The following PCDHA5 variants were observed in gnomAD, a reference collection of about 807,000 sequenced individuals.
The protein encoded by PCDHA5 is protocadherin alpha 5, also known as protocadherin alpha-5.
Under a neutral mutation model 61.6 loss-of-function variants are expected in PCDHA5, and 43 were observed. That is an observed-to-expected ratio of 0.70 (90% CI 0.55 to 0.90). The LOEUF (loss-of-function observed/expected upper bound fraction) is 0.90, where lower values mean the gene tolerates loss of function less well. Among genes scored for constraint, PCDHA5 ranks in the 40% least tolerant of loss-of-function variants. The pLI is 0.00. For synonymous variants in PCDHA5, 627 were observed against 543.9 expected (o/e 1.15, Z -2.13); for missense variants, 1,298 against 1,222.7 (o/e 1.06, Z -0.92).
chr5:140,953,992 G>A (rs1210096728), intron 1 of PCDHA5, among the ~76,000 whole-genome samples: 3 of 152,034 alleles, frequency 2.0e-5, no homozygotes, highest in Non-Finnish European at 2.9e-5. Context: ...ATTTTCATGT[G>A]TACTCATCAT....
rs1231856848 is a variant in PCDHA5 at position 141,000,389 on chromosome 5, CTCTCTCTA to C, written c.2501-9236_2501-9229del. 6.2e-3 allele frequency among the ~76,000 whole-genome samples: 389 copies of C among 62,448 alleles called. 3 individuals are homozygous for C. Among genetic ancestry groups the C allele is most frequent in the East Asian group, 0.011 (21 of 1,838 alleles). The allele number at this position is 62,448 out of a possible 152,430, so 41.0% of individuals were successfully genotyped here. A position where few individuals can be genotyped will look rare whatever the true frequency, so the allele number is the denominator to read the frequency against. ...TCTCTCTCTCTCTCTCTCTCTCTCT[CTCTCTCTA>C]TATATATATATATATATATATATAT... is the stretch of plus-strand genomic sequence containing the variant. On this transcript the variant is annotated intron_variant, in intron 3 of 3. Coordinates refer to ENST00000529859, the MANE Select transcript of PCDHA5 (RefSeq NM_018908.3).
chr5:140,919,706 C>T (rs2079272649), intron 1 of PCDHA5, among the ~76,000 whole-genome samples: 1 of 152,048 alleles, frequency 6.6e-6, no homozygotes, highest in African/African-American at 2.4e-5. Flanking sequence ...TAACTTAATT[C>T]TAGTGAGATA....
At chr5:140,848,899 C>T (rs1223339539) in intron 1 of PCDHA5, 1 of 1,605,974 alleles carries the variant, frequency 6.2e-7, no homozygotes, top group Admixed American at 1.7e-5. Context: ...GTGTTCCCAG[C>T]GACACAAAAG....
At chr5:140,994,059 A>G (rs2097593470) in intron 3 of PCDHA5, among the ~76,000 whole-genome samples, 5 of 152,174 alleles carry the variant, frequency 3.3e-5, no homozygotes, top group Admixed American at 3.3e-4. Context: ...GCCCTTATAA[A>G]TCTAATGGTG....
At position 140,823,306 on chromosome 5, in the gene PCDHA5, G is replaced by A. The variant is rs2150124482; in HGVS notation, c.1531G>A (p.Ala511Thr). 9.9e-6 allele frequency: 16 copies of A among 1,612,180 alleles called. No individual in the cohort carries two copies. Among genetic ancestry groups the A allele is most frequent in the Admixed American group, 1.7e-5 (1 of 59,990 alleles). The change falls in exon 1 of 4, where the codon GCG becomes ACG. Residue 511 changes from alanine (A) to threonine (T), a missense_variant. Physicochemically the swap from Ala to Thr is moderately conservative, Grantham distance 58. Transcript: ENST00000529859. The stretch of plus-strand genomic sequence containing the variant: ...GCTGTCGAGTTACGTTTCGGTGCAC[G>A]CGGAGAGCGGCAAGGTGTACGCGCT... ...RPLSSYVSVH[A>T]ESGKVYALQP...
Position 140,927,704 on chromosome 5 carries a change from C to T in PCDHA5, c.2353-51245C>T, listed in dbSNP as rs782172290. ...GGGTCCAATGGGGAAGTCCAGTACT[C>T]CCTAAGCAACAGCACGCAAGCAGAG... On this transcript the variant is annotated intron_variant, in intron 1 of 3. Coordinates refer to ENST00000529859, the MANE Select transcript of PCDHA5 (RefSeq NM_018908.3). 6.2e-6 allele frequency: 10 copies of T among 1,614,072 alleles called. No homozygotes were observed. In the Admixed American group the frequency reaches 1.2e-4, roughly 19 times the overall value.
At chr5:140,835,974 T>A (rs782216011) in intron 1 of PCDHA5, 1 of 1,612,180 alleles carries the variant, frequency 6.2e-7, no homozygotes, top group African/African-American at 1.3e-5. Context: ...GCTGGAGCTG[T>A]TGCAGTTCCA....
chr5:140,823,600 G>T lies in PCDHA5; in HGVS notation c.1825G>T (p.Glu609Ter). The T allele has an allele frequency of 6.2e-7, 1 of 1,614,032 alleles. No homozygotes were observed. The highest frequency in any genetic ancestry group is 8.5e-7 in the Non-Finnish European group (1 of 1,179,936). Residue 609 changes from glutamate to a stop codon, truncating the protein, a stop_gained, in exon 1 of 4, where the codon GAG (glutamate) becomes TAG (stop). Coordinates refer to ENST00000529859, the MANE Select transcript of PCDHA5 (RefSeq NM_018908.3). LOFTEE classifies it high-confidence loss of function. Reference protein sequence around the residue: ...DSGYNAWLSYELQPAPGSARI... With the variant: ...DSGYNAWLSY ...GGGCTACAACGCTTGGCTTTCGTAT[G>T]AGCTGCAGCCAGCGCCTGGCAGTGC... is the stretch of plus-strand genomic sequence containing the variant.
chr5:140,840,170 C>T (rs1278225135), intron 1 of PCDHA5, among the ~76,000 whole-genome samples: 3 of 151,784 alleles, frequency 2.0e-5, no homozygotes, highest in African/African-American at 7.3e-5. Context: ...GGGATGTATA[C>T]AAATTTTAAA....
chr5:140,884,682 A>C, intron 1 of PCDHA5: 5 of 1,546,956 alleles, frequency 3.2e-6, no homozygotes, highest in Non-Finnish European at 4.4e-6. Flanking sequence ...TATTTTAAAA[A>C]ATTGTCTTAG....
chr5:140,942,511 CAG>C (rs574477918), intron 1 of PCDHA5, among the ~76,000 whole-genome samples: 21 of 151,458 alleles, frequency 1.4e-4, no homozygotes, highest in Non-Finnish European at 2.8e-4. Flanking sequence ...CTAGGAAACT[CAG>C]AGGGGAAGCA....
chr5:140,995,086 T>C (rs1182368049), intron 3 of PCDHA5, among the ~76,000 whole-genome samples: 2 of 152,246 alleles, frequency 1.3e-5, no homozygotes, highest in African/African-American at 4.8e-5. Context: ...TCCAAACTTA[T>C]CTGTGGAGAT....
chr5:140,967,508 C>G (rs2096150874), intron 1 of PCDHA5: 2 of 1,612,712 alleles, frequency 1.2e-6, no homozygotes, highest in Non-Finnish European at 1.7e-6. Flanking sequence ...TGTGCGTGTC[C>G]TGGACACTAA....
intron 1 of PCDHA5, chr5:140,877,683 C>T: frequency 6.2e-7 from 1 of 1,613,716 alleles, no homozygotes. Flanking sequence ...CGGGCAAGCC[C>T]ACGCTGGTGT....
chr5:140,876,077 G>C, intron 1 of PCDHA5: 4 of 1,613,956 alleles, frequency 2.5e-6, no homozygotes, highest in Non-Finnish European at 3.4e-6. Flanking sequence ...TTATTGGACA[G>C]AGAGCAAACG....
chr5:140,879,010 G>T (rs2057809352), intron 1 of PCDHA5, among the ~76,000 whole-genome samples: 1 of 152,200 alleles, frequency 6.6e-6, no homozygotes, highest in African/African-American at 2.4e-5. Context: ...CTAGAAATCA[G>T]ATAATGTTTT....
intron 1 of PCDHA5, among the ~76,000 whole-genome samples, chr5:140,896,952 T>G (rs2153454853): frequency 6.6e-6 from 1 of 152,352 alleles, no homozygotes; most frequent in East Asian, 1.9e-4. Context: ...GCCATTCCCT[T>G]AAACATTTAT....
intron 1 of PCDHA5, 123 bp downstream of exon 1, chr5:140,824,250 T>C: frequency 1.4e-6 from 2 of 1,404,898 alleles, no homozygotes; most frequent in South Asian, 2.5e-5. Context: ...TGGTACACAA[T>C]TATTGCACTA....
Position 140,927,792 on chromosome 5 carries a change from T to C in PCDHA5, c.2353-51157T>C, listed in dbSNP as rs12522306. On this transcript the variant is annotated intron_variant, in intron 1 of 3. Coordinates refer to ENST00000529859, the MANE Select transcript of PCDHA5 (RefSeq NM_018908.3). The stretch of plus-strand genomic sequence containing the variant: ...AGGTGCAAGTAGCTGCTTCACTAGG[T>C]CCGCCTGAAACGCTCTTGGAGGCAT... 8,419 of 1,614,148 alleles carry C rather than the reference T, an allele frequency of 5.2e-3. 630 individuals carry two copies. The Admixed American group carries it at 0.13, about 25-fold the overall frequency.
Sources: gnomAD v4.1 joint callset for allele counts (sites outside exome capture counted in the v4.1 genomes callset) on GRCh38, gnomAD v4.1.1 for gene constraint, MANE v1.5 for transcripts, NCBI Gene and HGNC (gene_info 2026-07-23, HGNC 2026-07-21) for gene names.